The following KIAA1217 variants were observed in gnomAD, a reference collection of about 807,000 sequenced individuals.
KIAA1217 encodes sickle tail protein homolog.
A neutral mutation model predicts 163.9 loss-of-function variants in KIAA1217; 88 were observed. The ratio of observed to expected loss-of-function variants is 0.54; its 90% CI spans 0.45 to 0.64. The LOEUF is 0.64. Among genes scored for constraint, KIAA1217 ranks in the 30% least tolerant of loss-of-function variants. KIAA1217 has a pLI of 0.00. For synonymous variants in KIAA1217, 903 were observed against 923.1 expected (o/e 0.98, Z 0.39); for missense variants, 2,372 against 2,475.0 (o/e 0.96, Z 0.88).
At chr10:24,287,500 G>A (rs1372788338) in intron 2 of KIAA1217, among the ~76,000 whole-genome samples, 1 of 152,128 alleles carries the variant, frequency 6.6e-6, no homozygotes, top group Admixed American at 6.5e-5. Flanking sequence ...GCAATTAAAG[G>A]CATTTTTCTC....
intron 1 of KIAA1217, among the ~76,000 whole-genome samples, chr10:23,978,323 C>T (rs1343986981): frequency 4.6e-5 from 7 of 152,168 alleles, no homozygotes; most frequent in Non-Finnish European, 8.8e-5. Context: ...GAAGGAAGAA[C>T]CTCCTAAAAG....
chr10:24,388,147 T>G (rs2054284308), intron 3 of KIAA1217, among the ~76,000 whole-genome samples: 1 of 152,130 alleles, frequency 6.6e-6, no homozygotes, highest in Non-Finnish European at 1.5e-5. Flanking sequence ...CTACCTGACT[T>G]CAAACTATAC....
At chr10:24,040,753 T>A (rs1848595563) in intron 2 of KIAA1217, among the ~76,000 whole-genome samples, 1 of 152,206 alleles carries the variant, frequency 6.6e-6, no homozygotes, top group South Asian at 2.1e-4. Context: ...AAGAATTGAT[T>A]TTGTAACTGA....
At chr10:23,748,003 G>A (rs1047658901) in intron 1 of KIAA1217, among the ~76,000 whole-genome samples, 1 of 152,142 alleles carries the variant, frequency 6.6e-6, no homozygotes, top group South Asian at 2.1e-4. Flanking sequence ...CTGCAGGTGT[G>A]GAATCAATTC....
chr10:24,528,147 T>C, intron 14 of KIAA1217, 28 bp downstream of exon 14: 1 of 1,608,168 alleles, frequency 6.2e-7, no homozygotes, highest in Non-Finnish European at 8.5e-7. Context: ...AGCAGGAATA[T>C]ATGGAGGTAC....
intron 3 of KIAA1217, among the ~76,000 whole-genome samples, chr10:24,397,975 C>T (rs576005810): frequency 4.6e-5 from 7 of 152,236 alleles, no homozygotes; most frequent in African/African-American, 1.4e-4. Context: ...AATCTCTGAG[C>T]CATTTCTGTA....
chr10:24,144,410 T>C (rs1311714093), intron 2 of KIAA1217, among the ~76,000 whole-genome samples: 1 of 152,224 alleles, frequency 6.6e-6, no homozygotes, highest in East Asian at 1.9e-4. Flanking sequence ...AAGGGATACA[T>C]GTTTTAAAAT....
intron 1 of KIAA1217, among the ~76,000 whole-genome samples, chr10:23,885,440 C>T (rs1841129177): frequency 6.6e-6 from 1 of 151,894 alleles, no homozygotes; most frequent in African/African-American, 2.4e-5. Flanking sequence ...AAGTTGGAAT[C>T]TCTAAATGGG....
chr10:24,372,872 G>T (rs1472209783), intron 2 of KIAA1217, among the ~76,000 whole-genome samples: 2 of 152,134 alleles, frequency 1.3e-5, no homozygotes, highest in African/African-American at 4.8e-5. Context: ...GATGTAATAT[G>T]TACAGATTTG....
At position 23,916,551 on chromosome 10, in the gene KIAA1217, A is replaced by G. The variant is rs1842639928; in HGVS notation, c.-320-90674A>G. ...AATGCTCTGGTAGTGCTAGATTAGAATAAATACATAGTACCTTTCAAACAC... is the reference window on the plus strand; with the variant it reads ...AATGCTCTGGTAGTGCTAGATTAGAGTAAATACATAGTACCTTTCAAACAC... On this transcript the variant is annotated intron_variant, in intron 1 of 18. Transcript: ENST00000376462. 2.0e-5 allele frequency among the ~76,000 whole-genome samples: 3 copies of G among 152,224 alleles called. No homozygotes were observed. In the South Asian group the frequency reaches 6.2e-4, roughly 31 times the overall value.
At chr10:24,235,817 T>C (rs1389631146) in intron 2 of KIAA1217, among the ~76,000 whole-genome samples, 3 of 152,350 alleles carry the variant, frequency 2.0e-5, no homozygotes, top group East Asian at 3.9e-4. Flanking sequence ...AAGGTCCGCG[T>C]TGACCCTTTG....
intron 2 of KIAA1217, among the ~76,000 whole-genome samples, chr10:24,301,328 G>A (rs914679953): frequency 2.0e-5 from 3 of 152,138 alleles, no homozygotes; most frequent in African/African-American, 7.2e-5. Flanking sequence ...AAAATGCCTA[G>A]AAAATTATCC....
intron 2 of KIAA1217, among the ~76,000 whole-genome samples, chr10:24,292,068 G>A (rs953209557): frequency 6.6e-6 from 1 of 152,154 alleles, no homozygotes; most frequent in East Asian, 1.9e-4. Context: ...AGAGATATTT[G>A]GATGAGTTTT....
At chr10:24,443,386 T>C (rs1438363272) in intron 5 of KIAA1217, among the ~76,000 whole-genome samples, 2 of 152,196 alleles carry the variant, frequency 1.3e-5, no homozygotes, top group African/African-American at 2.4e-5. Context: ...TAGCCTTCAT[T>C]ATCTCTCTAC....
chr10:24,344,110 C>T (rs2047427943), intron 2 of KIAA1217, among the ~76,000 whole-genome samples: 1 of 152,182 alleles, frequency 6.6e-6, no homozygotes, highest in Admixed American at 6.5e-5. Context: ...AATTAGTGTT[C>T]ACGATGACAT....
chr10:24,476,937 C>T (rs2064117411), intron 6 of KIAA1217, among the ~76,000 whole-genome samples: 1 of 152,056 alleles, frequency 6.6e-6, no homozygotes, highest in South Asian at 2.1e-4. Flanking sequence ...CTCACTATTG[C>T]TGAAAGACCT....
intron 1 of KIAA1217, among the ~76,000 whole-genome samples, chr10:23,910,153 C>A (rs958410177): frequency 2.0e-5 from 3 of 150,366 alleles, no homozygotes; most frequent in South Asian, 2.1e-4. Context: ...CTGTCAGGGG[C>A]GTGGGGGCTG....
chr10:23,838,431 C>T (rs556726138), intron 1 of KIAA1217, among the ~76,000 whole-genome samples: 1 of 151,892 alleles, frequency 6.6e-6, no homozygotes, highest in East Asian at 1.9e-4. Context: ...AGGGAGATAA[C>T]AGACTTATGT....
chr10:24,282,477 CT>C (rs2078059465), intron 2 of KIAA1217, among the ~76,000 whole-genome samples: 1 of 152,244 alleles, frequency 6.6e-6, no homozygotes, highest in African/African-American at 2.4e-5. Flanking sequence ...ATTTATCCCC[CT>C]GTGTTTATTT....
Sources: allele counts gnomAD v4.1 joint callset (sites outside exome capture counted in the v4.1 genomes callset), GRCh38; gene constraint gnomAD v4.1.1; transcripts MANE v1.5; gene names NCBI Gene and HGNC (gene_info 2026-07-23, HGNC 2026-07-21).